The following TNFAIP8L3 variants were observed in gnomAD, a reference collection of about 807,000 sequenced individuals.
The protein encoded by TNFAIP8L3 is TNF alpha induced protein 8 like 3, also known as tumor necrosis factor alpha-induced protein 8-like protein 3.
TNFAIP8L3 carries 7 observed loss-of-function variants against 11.8 expected under a neutral mutation model. That is an observed-to-expected ratio of 0.59 (90% CI 0.34 to 1.11). The LOEUF is 1.11. Ranked by LOEUF, TNFAIP8L3 falls within the 50% of genes most tolerant of loss-of-function variation. The pLI is 0.03. For missense variants in TNFAIP8L3, 219 were observed against 258.6 expected (o/e 0.85, Z 1.05); for synonymous variants, 98 against 103.8 (o/e 0.94, Z 0.34).
chr15:51,057,836 G>A lies in TNFAIP8L3; in HGVS notation c.*45C>T. 6.8e-7 allele frequency: 1 copy of A among 1,469,772 alleles called. No homozygotes were observed. The highest frequency in any genetic ancestry group is 9.2e-7 in the Non-Finnish European group (1 of 1,087,934). The allele number at this position is 1,469,772 out of a possible 1,614,324, so 91.0% of individuals were successfully genotyped here. ...TGATTCTCACCCAGATCATGGTTGA[G>A]TGCTGTAACTTTAAAGCAGCAAAGT... On this transcript the variant is annotated 3_prime_UTR_variant, in exon 2 of 2. Coordinates refer to ENST00000637513, the MANE Select transcript of TNFAIP8L3 (RefSeq NM_001311175.2).
At chr15:51,062,594 AT>A (rs2065248207) in intron 1 of TNFAIP8L3, among the ~76,000 whole-genome samples, 1 of 152,230 alleles carries the variant, frequency 6.6e-6, no homozygotes, top group Non-Finnish European at 1.5e-5. Flanking sequence ...CCCATCTACC[AT>A]TCTGAATCCT....
At chr15:51,076,379 G>A (rs1467104601) in intron 1 of TNFAIP8L3, among the ~76,000 whole-genome samples, 1 of 152,154 alleles carries the variant, frequency 6.6e-6, no homozygotes, top group Non-Finnish European at 1.5e-5. Flanking sequence ...ATCACGTAAT[G>A]GGAGGGGCCA....
intron 1 of TNFAIP8L3, among the ~76,000 whole-genome samples, chr15:51,075,394 C>T (rs941621643): frequency 1.3e-5 from 2 of 152,192 alleles, no homozygotes; most frequent in African/African-American, 4.8e-5. Flanking sequence ...AAGCACCCCT[C>T]CTTCCTGCCA....
chr15:51,080,232 A>G (rs1315551264), intron 1 of TNFAIP8L3, among the ~76,000 whole-genome samples: 2 of 152,354 alleles, frequency 1.3e-5, no homozygotes, highest in Non-Finnish European at 2.9e-5. Flanking sequence ...GTAGTGTCCT[A>G]TAACTTCCAT....
At chr15:51,088,477 A>G (rs58449611) in intron 1 of TNFAIP8L3, among the ~76,000 whole-genome samples, 19,166 of 152,130 alleles carry the variant, frequency 0.13, 1,489 homozygotes, top group Middle Eastern at 0.2. Context: ...TCTCTCCCCA[A>G]TATGGCTACA....
intron 1 of TNFAIP8L3, among the ~76,000 whole-genome samples, chr15:51,082,296 G>T (rs2065398315): frequency 6.6e-6 from 1 of 152,130 alleles, no homozygotes; most frequent in African/African-American, 2.4e-5. Context: ...GAATACTGTA[G>T]GCACCTGTAA....
chr15:51,103,880 A>G (rs72727123), intron 1 of TNFAIP8L3, among the ~76,000 whole-genome samples: 1 of 152,086 alleles, frequency 6.6e-6, no homozygotes, highest in Non-Finnish European at 1.5e-5. Context: ...ACATGTGCCT[A>G]CTTCCTTAGT....
chr15:51,091,100 C>G (rs985900908), intron 1 of TNFAIP8L3, among the ~76,000 whole-genome samples: 1 of 152,044 alleles, frequency 6.6e-6, no homozygotes, highest in African/African-American at 2.4e-5. Context: ...TTCCATAAAC[C>G]TTGCCTCTTC....
At chr15:51,062,954 T>G (rs988134865) in intron 1 of TNFAIP8L3, among the ~76,000 whole-genome samples, 2 of 152,038 alleles carry the variant, frequency 1.3e-5, no homozygotes, top group African/African-American at 4.8e-5. Flanking sequence ...GATGTGATGA[T>G]GAAAACAGAG....
chr15:51,068,477 C>T (rs2065286152), intron 1 of TNFAIP8L3, among the ~76,000 whole-genome samples: 1 of 152,098 alleles, frequency 6.6e-6, no homozygotes, highest in South Asian at 2.1e-4. Flanking sequence ...TGAAAAGACC[C>T]ATCTTCCTGA....
rs936168487 is a variant in TNFAIP8L3 at position 51,070,842 on chromosome 15, C to T, written c.53-12399G>A. ...CGGGCGGATCACGAGGTCAGGAGAT[C>T]GAGACCATCCCGGCTAAAACGGTGA... On this transcript the variant is annotated intron_variant, in intron 1 of 1. Coordinates refer to ENST00000637513, the MANE Select transcript of TNFAIP8L3 (RefSeq NM_001311175.2). Among the ~76,000 whole-genome samples, 4 of 150,294 alleles carry T rather than the reference C, an allele frequency of 2.7e-5. No individual in the cohort carries two copies. In the East Asian group the frequency reaches 5.9e-4, roughly 22 times the overall value.
intron 1 of TNFAIP8L3, among the ~76,000 whole-genome samples, chr15:51,065,076 A>C (rs1012490919): frequency 6.6e-6 from 1 of 152,224 alleles, no homozygotes; most frequent in African/African-American, 2.4e-5. Context: ...TGTTTATAGT[A>C]CTTCGGAATC....
rs146798115 is a variant in TNFAIP8L3, at chr15:51,104,679, C to A, written c.172+326G>T. 9.5e-3 allele frequency among the ~76,000 whole-genome samples: 1,441 copies of A among 152,336 alleles called. 24 individuals are homozygous for A. Among genetic ancestry groups the A allele is most frequent in the Non-Finnish European group, 8.8e-3 (596 of 68,030 alleles). On this transcript the variant is annotated intron_variant, in intron 1 of 2. Coordinates refer to the TNFAIP8L3 transcript ENST00000327536. The stretch of plus-strand genomic sequence containing the variant: ...TGGCTGGAGGTTTTGGCTCTCTGAC[C>A]TGGCCTTGGGCCCTTCTCTCTGAAT...
chr15:51,058,339 T>C lies in TNFAIP8L3; in HGVS notation c.157A>G (p.Ser53Gly). Residue 53 changes from serine to glycine, a missense_variant, in exon 2 of 2, where the codon AGC becomes GGC. Coordinates refer to ENST00000637513, the MANE Select transcript of TNFAIP8L3 (RefSeq NM_001311175.2). ...TVANMLIDDT[S>G]SEIFDELYKV... is the part of the protein sequence containing the mutation. Reference sequence around the variant, plus strand: ...TAGAGCTCATCAAAGATCTCGCTGCTGGTGTCATCAATCAACATGTTGGCC... The same window carrying C: ...TAGAGCTCATCAAAGATCTCGCTGCCGGTGTCATCAATCAACATGTTGGCC... The C allele has an allele frequency of 8.1e-6, 13 of 1,614,224 alleles. No homozygotes were observed. The highest frequency in any genetic ancestry group is 1.1e-5 in the Non-Finnish European group (13 of 1,180,048).
At chr15:51,066,451 C>T (rs1238641946) in intron 1 of TNFAIP8L3, among the ~76,000 whole-genome samples, 2 of 152,242 alleles carry the variant, frequency 1.3e-5, no homozygotes, top group Non-Finnish European at 2.9e-5. Context: ...CATTGAGCCA[C>T]AGCGTCTGGC....
chr15:51,102,892 C>G (rs1181175411), intron 1 of TNFAIP8L3, among the ~76,000 whole-genome samples: 1 of 152,160 alleles, frequency 6.6e-6, no homozygotes, highest in Non-Finnish European at 1.5e-5. Flanking sequence ...CACCAGTGTT[C>G]TACTAGACCA....
upstream of TNFAIP8L3, among the ~76,000 whole-genome samples, chr15:51,099,280 T>C (rs191019316): frequency 1.8e-4 from 28 of 152,202 alleles, no homozygotes; most frequent in African/African-American, 6.7e-4. Context: ...CCAGACCCCT[T>C]GTAGGAGGCA....
rs192881038 is a variant in TNFAIP8L3 at position 51,065,999 on chromosome 15, G to C, written c.53-7556C>G. On this transcript the variant is annotated intron_variant, in intron 1 of 1. Coordinates refer to ENST00000637513, the MANE Select transcript of TNFAIP8L3 (RefSeq NM_001311175.2). ...AGGAAAGGCCCAAGGGGTGGGGTAA[G>C]AGCCCTGGGCAGAGGGAGATTCCTG... is the stretch of plus-strand genomic sequence containing the variant. Among the ~76,000 whole-genome samples, 316 of 152,012 alleles carry C rather than the reference G, an allele frequency of 2.1e-3. 1 individual carries two copies. Among genetic ancestry groups the C allele is most frequent in the Admixed American group, 5.2e-3 (79 of 15,266 alleles).
chr15:51,059,117 G>A (rs1440530261), intron 1 of TNFAIP8L3, among the ~76,000 whole-genome samples: 1 of 152,186 alleles, frequency 6.6e-6, no homozygotes, highest in Non-Finnish European at 1.5e-5. Flanking sequence ...TGTAAGAAAT[G>A]TTGCCTCCTG....
Sources: allele counts gnomAD v4.1 joint callset (sites outside exome capture counted in the v4.1 genomes callset), GRCh38; gene constraint gnomAD v4.1.1; transcripts MANE v1.5; gene names NCBI Gene and HGNC (gene_info 2026-07-23, HGNC 2026-07-21).